BLZF1: variants seen among roughly 807,000 people sequenced by gnomAD.
BLZF1 encodes basic leucine zipper nuclear factor 1.
A neutral mutation model predicts 43.8 loss-of-function variants in BLZF1; 39 were observed. That is an observed-to-expected ratio of 0.89 (90% CI 0.69 to 1.16). The LOEUF is 1.16. BLZF1 is among the 50% of genes most tolerant of loss of function. BLZF1 has a pLI of 0.00. For synonymous variants in BLZF1, 136 were observed against 159.4 expected (o/e 0.85, Z 1.11); for missense variants, 449 against 469.8 (o/e 0.96, Z 0.41).
At chr1:169,382,015 C>A in intron 5 of BLZF1, 47 bp from the exon 6 acceptor site, 1 of 1,381,798 alleles carries the variant, frequency 7.2e-7, no homozygotes, top group Non-Finnish European at 1.0e-6. Context: ...TTAATTTTTA[C>A]ATTTTGCTCT....
chr1:169,386,842 T>G (rs1408471146), intron 6 of BLZF1, among the ~76,000 whole-genome samples, 155 bp from the exon 7 acceptor site: 1 of 152,062 alleles, frequency 6.6e-6, no homozygotes, highest in Non-Finnish European at 1.5e-5. Flanking sequence ...CTTAAGGAAG[T>G]AAGTTGTCTT....
chr1:169,388,188 T>C lies in BLZF1; in HGVS notation c.*1006T>C, dbSNP rs1241595014. 2 of 152,186 alleles carry C rather than the reference T, an allele frequency of 1.3e-5. 1 individual carries two copies. Among genetic ancestry groups the C allele is most frequent in the Admixed American group, 1.3e-4 (2 of 15,278 alleles). The allele number at this position is 152,186 out of a possible 1,614,324, so 9.4% of individuals were successfully genotyped here. On this transcript the variant is annotated 3_prime_UTR_variant, in exon 7 of 7. Coordinates refer to ENST00000367808, the MANE Select transcript of BLZF1 (RefSeq NM_001320973.2). ...GTTGCAGAAGTGCCTGTGAGAGAAA[T>C]CTTCAAAAGACAAACCTGGTCAAAT...
chr1:169,375,613 G>A (rs1356550095), intron 2 of BLZF1, among the ~76,000 whole-genome samples: 1 of 150,484 alleles, frequency 6.6e-6, no homozygotes, highest in Non-Finnish European at 1.5e-5. Flanking sequence ...CCCTAAATTA[G>A]GTAGTAAATT....
At chr1:169,380,041 G>A (rs1420268417) in intron 4 of BLZF1, among the ~76,000 whole-genome samples, 1 of 151,774 alleles carries the variant, frequency 6.6e-6, no homozygotes, top group Non-Finnish European at 1.5e-5. Context: ...GGTATGCTGG[G>A]CATGACAAAA....
chr1:169,369,661 T>C lies in BLZF1; in HGVS notation c.28+111T>C, dbSNP rs1654039729. The stretch of plus-strand genomic sequence containing the variant: ...GGACCCCCTTGGGAATCATTTGTTA[T>C]TTCAGATCCCTTTATGTTTATTTTT... On this transcript the variant is annotated intron_variant, in intron 2 of 6. Transcript: ENST00000367808. 9.6e-6 allele frequency: 7 copies of C among 728,374 alleles called. No individual in the cohort carries two copies. The South Asian group carries it at 9.7e-5, about 10-fold the overall frequency. The allele number at this position is 728,374 out of a possible 1,614,324, so 45.1% of individuals were successfully genotyped here. A position where few individuals can be genotyped will look rare whatever the true frequency, so the allele number is the denominator to read the frequency against.
At chr1:169,381,195 A>AG (rs201330879) in intron 5 of BLZF1, among the ~76,000 whole-genome samples, 71 of 151,468 alleles carry the variant, frequency 4.7e-4, no homozygotes, top group Middle Eastern at 3.4e-3. Flanking sequence ...TCAGGAATGA[A>AG]GGGGGGGGTA....
chr1:169,370,892 G>C (rs1038096699), intron 2 of BLZF1, among the ~76,000 whole-genome samples: 2 of 152,062 alleles, frequency 1.3e-5, no homozygotes, highest in Non-Finnish European at 2.9e-5. Flanking sequence ...TCACATAGCT[G>C]TAGGCAACAA....
In BLZF1 at chr1:169,379,776, T is replaced by C. The variant is rs567131669; in HGVS notation, c.669-705T>C. ...AGAAAACTGGTTAAATAAAATTTTG[T>C]GTATCCAATCAGTAGAAAACATGAA... On this transcript the variant is annotated intron_variant, in intron 4 of 6. Transcript: ENST00000367808. Among the ~76,000 whole-genome samples the C allele has an allele frequency of 3.9e-5, 6 of 152,104 alleles. No individual in the cohort carries two copies. In the South Asian group the frequency reaches 1.2e-3, roughly 31 times the overall value.
intron 4 of BLZF1, among the ~76,000 whole-genome samples, chr1:169,379,681 A>G (rs1377201327): frequency 6.6e-6 from 1 of 152,042 alleles, no homozygotes; most frequent in Admixed American, 6.6e-5. Context: ...GCAGTCTCAG[A>G]CTTAAATTTT....
intron 4 of BLZF1, 139 bp downstream of exon 4, chr1:169,378,668 T>C: frequency 1.4e-6 from 1 of 717,766 alleles, no homozygotes; most frequent in East Asian, 2.7e-5. Context: ...ATGTGGACTC[T>C]CTCTCCTCTG....
At chr1:169,372,721 A>G (rs1425007185) in intron 2 of BLZF1, among the ~76,000 whole-genome samples, 1 of 152,114 alleles carries the variant, frequency 6.6e-6, no homozygotes, top group Non-Finnish European at 1.5e-5. Context: ...TCACTACCCC[A>G]TTCTGCTGAC....
chr1:169,381,562 A>G (rs979120230), intron 5 of BLZF1, among the ~76,000 whole-genome samples: 23 of 152,276 alleles, frequency 1.5e-4, no homozygotes, highest in Non-Finnish European at 3.1e-4. Context: ...TTGTCTTGAT[A>G]TCAGAACCAT....
chr1:169,394,931 A>T, intron 7 of BLZF1: 1 of 951,508 alleles, frequency 1.1e-6, no homozygotes. Context: ...ATTCACTGTC[A>T]ATAAAAGATA....
intron 6 of BLZF1, among the ~76,000 whole-genome samples, chr1:169,382,866 CTCTGTGA>C (rs1301513896): frequency 2.6e-5 from 4 of 152,182 alleles, no homozygotes; most frequent in Non-Finnish European, 5.9e-5. Context: ...ACATCTCTGT[CTCTGTGA>C]TCTGTGATCT....
chr1:169,368,815 C>A (rs1653997712), intron 1 of BLZF1, among the ~76,000 whole-genome samples: 1 of 151,984 alleles, frequency 6.6e-6, no homozygotes, highest in Non-Finnish European at 1.5e-5. Context: ...TGTAGTGAAA[C>A]CAGTTGTCAT....
At chr1:169,392,863 C>T (rs953659352), downstream of BLZF1, among the ~76,000 whole-genome samples, 1 of 152,098 alleles carries the variant, frequency 6.6e-6, no homozygotes, top group Non-Finnish European at 1.5e-5. Flanking sequence ...GTGCAGGTAC[C>T]GAGAGCATGG....
Position 169,376,920 on chromosome 1 carries a change from G to GAT in BLZF1, c.410_411insTA (p.Glu137AspfsTer22). 6.2e-7 allele frequency: 1 copy of GAT among 1,613,256 alleles called. No individual in the cohort carries two copies. Among genetic ancestry groups the GAT allele is most frequent in the Non-Finnish European group, 8.5e-7 (1 of 1,179,524 alleles). On this transcript the variant is annotated frameshift_variant, in exon 3 of 7. Coordinates refer to ENST00000367808, the MANE Select transcript of BLZF1 (RefSeq NM_001320973.2). LOFTEE classifies it high-confidence loss of function. Reference sequence around the variant, plus strand: ...TGTATTGGAAAAGCTCAAGAATTCTGAAAGAAGGTTACTACAGGACAAAGA... The same window carrying GAT: ...TGTATTGGAAAAGCTCAAGAATTCTGATAAAGAAGGTTACTACAGGACAAAGA...
At chr1:169,369,431 A>T (rs966721512) in intron 1 of BLZF1, 42 bp from the exon 2 acceptor site, 1 of 1,066,724 alleles carries the variant, frequency 9.4e-7, no homozygotes, top group African/African-American at 1.6e-5. Flanking sequence ...CTATGTGTTT[A>T]TATGATATTT....
chr1:169,388,314 A>G (rs1040200881), downstream of BLZF1: 1 of 152,130 alleles, frequency 6.6e-6, no homozygotes. Flanking sequence ...TATTGCGACT[A>G]TTCCTTTTTT....
Sources: allele counts gnomAD v4.1 joint callset (sites outside exome capture counted in the v4.1 genomes callset), GRCh38; gene constraint gnomAD v4.1.1; transcripts MANE v1.5; gene names NCBI Gene and HGNC (gene_info 2026-07-23, HGNC 2026-07-21).